Variants in ALCAM observed in about 807,000 individuals in gnomAD.
ALCAM encodes activated leukocyte cell adhesion molecule.
A neutral mutation model predicts 70.9 loss-of-function variants in ALCAM; 30 were observed. The ratio of observed to expected loss-of-function variants is 0.42; its 90% CI spans 0.32 to 0.57. The LOEUF (loss-of-function observed/expected upper bound fraction) is 0.57, where lower values mean the gene tolerates loss of function less well. Ranked by LOEUF, ALCAM falls within the 20% of genes least tolerant of loss-of-function variation. The pLI, the probability that ALCAM is intolerant of heterozygous loss-of-function variation, is 0.11. For synonymous variants in ALCAM, 249 were observed against 242.5 expected (o/e 1.03, Z -0.25); for missense variants, 591 against 695.1 (o/e 0.85, Z 1.68).
chr3:105,543,370 G>A (rs538463102), intron 8 of ALCAM, among the ~76,000 whole-genome samples: 1 of 151,586 alleles, frequency 6.6e-6, no homozygotes, highest in Non-Finnish European at 1.5e-5. Context: ...TCTAACACTG[G>A]GTTTTAACTC....
At chr3:105,491,424 C>A (rs535448073) in intron 1 of ALCAM, among the ~76,000 whole-genome samples, 6 of 152,304 alleles carry the variant, frequency 3.9e-5, no homozygotes, top group Non-Finnish European at 7.3e-5. Flanking sequence ...ATGAATTTCT[C>A]CTCAGAAAAT....
intron 1 of ALCAM, among the ~76,000 whole-genome samples, chr3:105,435,010 A>T (rs546070945): frequency 6.6e-6 from 1 of 152,196 alleles, no homozygotes; most frequent in Non-Finnish European, 1.5e-5. Context: ...GGCTTGCTAT[A>T]TTATAGTCTT....
chr3:105,385,601 C>A (rs1935632635), intron 1 of ALCAM, among the ~76,000 whole-genome samples: 1 of 151,582 alleles, frequency 6.6e-6, no homozygotes, highest in African/African-American at 2.4e-5. Context: ...CAGTTAATTT[C>A]TTATTTCGAA....
intron 1 of ALCAM, among the ~76,000 whole-genome samples, chr3:105,425,446 T>G (rs936957085): frequency 6.6e-6 from 1 of 151,802 alleles, no homozygotes; most frequent in Non-Finnish European, 1.5e-5. Flanking sequence ...CTTTTTGCCT[T>G]TGCTACACAC....
At chr3:105,516,795 AT>A (rs1325252964) in intron 1 of ALCAM, among the ~76,000 whole-genome samples, 1 of 152,114 alleles carries the variant, frequency 6.6e-6, no homozygotes, top group Non-Finnish European at 1.5e-5. Context: ...ACACTTATAC[AT>A]TCCCACATTG....
At chr3:105,383,843 C>T (rs1935585148) in intron 1 of ALCAM, among the ~76,000 whole-genome samples, 1 of 151,592 alleles carries the variant, frequency 6.6e-6, no homozygotes, top group African/African-American at 2.4e-5. Context: ...TTTTCTCCCA[C>T]AGGATAATTG....
intron 1 of ALCAM, among the ~76,000 whole-genome samples, chr3:105,407,936 C>A (rs762266548): frequency 6.6e-6 from 1 of 151,988 alleles, no homozygotes; most frequent in Non-Finnish European, 1.5e-5. Flanking sequence ...AGAATCAAAT[C>A]AAGAACTCAA....
chr3:105,569,327 A>G (rs1027713016), intron 14 of ALCAM, among the ~76,000 whole-genome samples: 1 of 152,162 alleles, frequency 6.6e-6, no homozygotes, highest in Non-Finnish European at 1.5e-5. Flanking sequence ...AGAGGAGAGA[A>G]GAGATTTTGG....
At chr3:105,559,354 A>G (rs2152633684) in intron 14 of ALCAM, among the ~76,000 whole-genome samples, 1 of 149,398 alleles carries the variant, frequency 6.7e-6, no homozygotes, top group East Asian at 1.9e-4. Flanking sequence ...AATACCATAA[A>G]CGGGGTGGCT....
intron 1 of ALCAM, among the ~76,000 whole-genome samples, chr3:105,440,074 A>T (rs1937138407): frequency 1.3e-5 from 2 of 152,226 alleles, no homozygotes; most frequent in Non-Finnish European, 2.9e-5. Flanking sequence ...TTTAAAGCCC[A>T]CTTAGTATTT....
At chr3:105,492,732 G>C (rs1938622688) in intron 1 of ALCAM, among the ~76,000 whole-genome samples, 2 of 152,062 alleles carry the variant, frequency 1.3e-5, no homozygotes, top group Non-Finnish European at 2.9e-5. Context: ...GAAAAATGTT[G>C]TTCTATTTTT....
chr3:105,563,204 CAA>C (rs781415771), intron 14 of ALCAM, among the ~76,000 whole-genome samples: 23 of 75,462 alleles, frequency 3.0e-4, no homozygotes, highest in Non-Finnish European at 3.4e-4. Flanking sequence ...GACATTTTTG[CAA>C]AAAAAAAAAA....
chr3:105,444,248 G>T (rs1257273279), intron 1 of ALCAM, among the ~76,000 whole-genome samples: 1 of 152,166 alleles, frequency 6.6e-6, no homozygotes, highest in Admixed American at 6.5e-5. Context: ...TTTATCAAGG[G>T]AAGAGATTTA....
chr3:105,538,644 A>G (rs1370020072), intron 6 of ALCAM, among the ~76,000 whole-genome samples: 2 of 152,100 alleles, frequency 1.3e-5, no homozygotes, highest in South Asian at 2.1e-4. Flanking sequence ...GTGACATGCC[A>G]CAGGCCAAAC....
chr3:105,410,834 C>G (rs923077283), intron 1 of ALCAM, among the ~76,000 whole-genome samples: 19 of 77,928 alleles, frequency 2.4e-4, no homozygotes, highest in Non-Finnish European at 4.4e-4. Flanking sequence ...TTGTGGGGCA[C>G]TTTGAAAATA....
intron 1 of ALCAM, among the ~76,000 whole-genome samples, chr3:105,449,519 T>A (rs1937376270): frequency 6.6e-6 from 1 of 152,242 alleles, no homozygotes; most frequent in Non-Finnish European, 1.5e-5. Flanking sequence ...GAAACATATT[T>A]ATTGTTTCAC....
chr3:105,554,595 A>AAT (rs1345138237), intron 14 of ALCAM, among the ~76,000 whole-genome samples: 1 of 151,956 alleles, frequency 6.6e-6, no homozygotes, highest in Non-Finnish European at 1.5e-5. Flanking sequence ...CTTGGTAACC[A>AAT]ATATGTTCTT....
intron 1 of ALCAM, among the ~76,000 whole-genome samples, chr3:105,479,302 A>T (rs1472573936): frequency 1.3e-5 from 2 of 152,184 alleles, no homozygotes; most frequent in African/African-American, 4.8e-5. Flanking sequence ...TGAGGCAAAT[A>T]TATACTACAG....
At chr3:105,378,181 G>A (rs1019313787) in intron 1 of ALCAM, among the ~76,000 whole-genome samples, 1 of 151,556 alleles carries the variant, frequency 6.6e-6, no homozygotes, top group Non-Finnish European at 1.5e-5. Context: ...AGGAAAGTAG[G>A]AATAAAATCT....
Sources: gnomAD v4.1 joint callset for allele counts (sites outside exome capture counted in the v4.1 genomes callset) on GRCh38, gnomAD v4.1.1 for gene constraint, MANE v1.5 for transcripts, NCBI Gene and HGNC (gene_info 2026-07-23, HGNC 2026-07-21) for gene names.